Variants in CBL observed in about 807,000 individuals in gnomAD.
CBL encodes E3 ubiquitin-protein ligase CBL.
CBL carries 45 observed loss-of-function variants against 96.9 expected under a neutral mutation model. That is an observed-to-expected ratio of 0.46 (90% CI 0.37 to 0.60). CBL has a LOEUF of 0.60. CBL is among the 20% of genes least tolerant of loss of function. The pLI is 0.00. For synonymous variants in CBL, 420 were observed against 426.8 expected (o/e 0.98, Z 0.20); for missense variants, 1,024 against 1,143.5 (o/e 0.90, Z 1.51).
At chr11:119,221,864 T>C (rs1266847142) in intron 1 of CBL, among the ~76,000 whole-genome samples, 1 of 152,112 alleles carries the variant, frequency 6.6e-6, no homozygotes, top group Non-Finnish European at 1.5e-5. Context: ...TAAGAGACTT[T>C]AGAAATAAAT....
At chr11:119,216,387 T>TA (rs59998588) in intron 1 of CBL, among the ~76,000 whole-genome samples, 5 of 149,876 alleles carry the variant, frequency 3.3e-5, no homozygotes, top group East Asian at 1.9e-4. Context: ...TTTATTTATT[T>TA]TTTGAGATGG....
At chr11:119,265,079 C>T (rs1273519539) in intron 2 of CBL, among the ~76,000 whole-genome samples, 1 of 151,956 alleles carries the variant, frequency 6.6e-6, no homozygotes, top group African/African-American at 2.4e-5. Context: ...GGGGGTCTCA[C>T]TATATTGCCC....
rs1368692235 is a variant in CBL at position 119,300,399 on chromosome 11, A to G, written c.*618A>G. ...AACACCTTCTGTCTGTTCTTTCCCC[A>G]TCAACTCCTTCCTCATCCTTCTTGG... On this transcript the variant is annotated 3_prime_UTR_variant, in exon 16 of 16. Transcript: ENST00000264033. The G allele has an allele frequency of 7.4e-5, 30 of 405,318 alleles. No homozygotes were observed. The highest frequency in any genetic ancestry group is 1.3e-5 in the Non-Finnish European group (3 of 229,598). The allele number at this position is 405,318 out of a possible 1,614,324, so 25.1% of individuals were successfully genotyped here. A position where few individuals can be genotyped will look rare whatever the true frequency, so the allele number is the denominator to read the frequency against.
rs138644156 is a variant in CBL at position 119,251,667 on chromosome 11, A to G, written c.443+18972A>G. On this transcript the variant is annotated intron_variant, in intron 2 of 15. Coordinates refer to ENST00000264033, the MANE Select transcript of CBL (RefSeq NM_005188.4). ...GAGAGTTTCACTCCTGAAATTTCTAATGGAACATAGGCTAGATGATGCAGA... is the reference window on the plus strand; with the variant it reads ...GAGAGTTTCACTCCTGAAATTTCTAGTGGAACATAGGCTAGATGATGCAGA... Among the ~76,000 whole-genome samples, 872 of 152,318 alleles carry G rather than the reference A, an allele frequency of 5.7e-3. 9 individuals carry two copies. The highest frequency in any genetic ancestry group is 0.016 in the African/African-American group (668 of 41,566).
intron 4 of CBL, 94 bp from the exon 5 acceptor site, chr11:119,274,733 ATGAAC>A: frequency 8.8e-7 from 1 of 1,140,280 alleles, no homozygotes; most frequent in Non-Finnish European, 1.3e-6. Flanking sequence ...ATTTCTGACA[ATGAAC>A]TGAGAGTTGG....
rs182201917 is a variant in CBL at position 119,281,424 on chromosome 11, G to C, written c.1431+2711G>C. Among the ~76,000 whole-genome samples the C allele has an allele frequency of 7.2e-5, 11 of 151,860 alleles. No homozygotes were observed. The East Asian group carries it at 1.7e-3, about 24-fold the overall frequency. Reference sequence around the variant, plus strand: ...AAATATTCTGCTCTAAATTGTTAAGGCTTCACTGACTTCTAGCTTCTAATG... The same window carrying C: ...AAATATTCTGCTCTAAATTGTTAAGCCTTCACTGACTTCTAGCTTCTAATG... On this transcript the variant is annotated intron_variant, in intron 9 of 15. Transcript: ENST00000264033.
At chr11:119,230,755 G>A (rs190048282) in intron 1 of CBL, among the ~76,000 whole-genome samples, 9 of 152,286 alleles carry the variant, frequency 5.9e-5, no homozygotes, top group Admixed American at 5.2e-4. Context: ...TTCCTTGTGT[G>A]CATGTGTGAG....
rs191803937 is a variant in CBL, at chr11:119,243,560, T to C, written c.443+10865T>C. Among the ~76,000 whole-genome samples the C allele has an allele frequency of 1.5e-3, 215 of 144,778 alleles. 2 individuals are homozygous for C. The highest frequency in any genetic ancestry group is 5.3e-3 in the African/African-American group (206 of 38,900). 95.0% of individuals were successfully genotyped at this position (144,778 alleles called of 152,430 possible). On this transcript the variant is annotated intron_variant, in intron 2 of 15. Coordinates refer to ENST00000264033, the MANE Select transcript of CBL (RefSeq NM_005188.4). Reference sequence around the variant, plus strand: ...CTGATGAAGAGTAACGATATGACAATATGTTAAATAGGCTATAGAATTGTA... The same window carrying C: ...CTGATGAAGAGTAACGATATGACAACATGTTAAATAGGCTATAGAATTGTA...
intron 1 of CBL, among the ~76,000 whole-genome samples, chr11:119,215,847 T>C (rs1949355876): frequency 6.6e-6 from 1 of 152,066 alleles, no homozygotes; most frequent in Admixed American, 6.6e-5. Flanking sequence ...AAAAAAAGAT[T>C]TGTTAGAAGA....
Position 119,299,589 on chromosome 11 carries a change from T to C in CBL, c.2529T>C (p.Gly843=). 1 of 1,614,124 alleles carries C rather than the reference T, an allele frequency of 6.2e-7. No individual in the cohort carries two copies. The highest frequency in any genetic ancestry group is 1.1e-5 in the South Asian group (1 of 91,082). Residue 843 remains glycine, a synonymous_variant, in exon 16 of 16, where the codon GGT becomes GGC. Transcript: ENST00000264033. The part of the protein sequence containing the change: ...SERKAGSCQQ[G]SGPAASAATA... ...GGAAAGCTGGCAGCTGTCAGCAAGGTAGTGGTCCTGCCGCCTCTGCTGCCA... is the reference window on the plus strand; with the variant it reads ...GGAAAGCTGGCAGCTGTCAGCAAGGCAGTGGTCCTGCCGCCTCTGCTGCCA...
chr11:119,303,106 C>T lies in CBL; in HGVS notation c.*3325C>T, dbSNP rs1448172809. ...TGTTTATGGTCCCAAACAGTCAACTCACAAATTTTTATAACAAAATTTCCT... is the reference window on the plus strand; with the variant it reads ...TGTTTATGGTCCCAAACAGTCAACTTACAAATTTTTATAACAAAATTTCCT... On this transcript the variant is annotated 3_prime_UTR_variant, in exon 16 of 16. Transcript: ENST00000264033. 4.3e-6 allele frequency: 1 copy of T among 231,940 alleles called. No homozygotes were observed. The highest frequency in any genetic ancestry group is 8.5e-6 in the Non-Finnish European group (1 of 116,960). The allele number at this position is 231,940 out of a possible 1,614,324, so 14.4% of individuals were successfully genotyped here. A position where few individuals can be genotyped will look rare whatever the true frequency, so the allele number is the denominator to read the frequency against.
At chr11:119,264,792 A>C (rs960738258) in intron 2 of CBL, among the ~76,000 whole-genome samples, 4 of 151,872 alleles carry the variant, frequency 2.6e-5, no homozygotes, top group African/African-American at 9.7e-5. Flanking sequence ...CTATAAGGAA[A>C]TTTTTCGGTC....
intron 1 of CBL, among the ~76,000 whole-genome samples, chr11:119,220,505 A>AGG (rs1179414296): frequency 6.6e-6 from 1 of 152,152 alleles, no homozygotes; most frequent in Admixed American, 6.5e-5. Flanking sequence ...AGGCTGAGGG[A>AGG]GGAGCATCAC....
intron 2 of CBL, among the ~76,000 whole-genome samples, chr11:119,250,914 G>A (rs1033128356): frequency 2.0e-5 from 3 of 152,132 alleles, no homozygotes; most frequent in Non-Finnish European, 4.4e-5. Context: ...TCACACCACT[G>A]CACTACAGCC....
intron 12 of CBL, among the ~76,000 whole-genome samples, chr11:119,291,234 CA>C (rs1299162410): frequency 2.0e-5 from 3 of 151,996 alleles, no homozygotes; most frequent in Admixed American, 6.6e-5. Flanking sequence ...CCCATCTTTA[CA>C]AAAAATATCA....
chr11:119,280,974 A>G (rs1199992768), intron 9 of CBL, among the ~76,000 whole-genome samples: 1 of 152,108 alleles, frequency 6.6e-6, no homozygotes, highest in East Asian at 1.9e-4. Context: ...TGGTATAATT[A>G]TTTTTATTTT....
chr11:119,236,885 A>G (rs555960811), intron 2 of CBL, among the ~76,000 whole-genome samples: 3 of 151,992 alleles, frequency 2.0e-5, no homozygotes, highest in African/African-American at 7.2e-5. Flanking sequence ...GTCCCCCTTT[A>G]TCCTCAGTTT....
chr11:119,301,510 AC>A lies in CBL; in HGVS notation c.*1732del, dbSNP rs549459958. 51 of 233,228 alleles carry A rather than the reference AC, an allele frequency of 2.2e-4. No individual in the cohort carries two copies. The highest frequency in any genetic ancestry group is 3.2e-4 in the Non-Finnish European group (38 of 118,018). The allele number at this position is 233,228 out of a possible 1,614,324, so 14.4% of individuals were successfully genotyped here. A position where few individuals can be genotyped will look rare whatever the true frequency, so the allele number is the denominator to read the frequency against. The stretch of plus-strand genomic sequence containing the variant: ...TTGTCTTTAGATCTACACAGAAATG[AC>A]CCTCCTTGGATCAGTTTTCTTTCCA... On this transcript the variant is annotated 3_prime_UTR_variant, in exon 16 of 16. Transcript: ENST00000264033.
chr11:119,285,459 A>G lies in CBL; in HGVS notation c.1834A>G (p.Arg612Gly), dbSNP rs764845853. The change falls in exon 11 of 16, where the codon AGA becomes GGA. Residue 612 changes from arginine to glycine, a missense_variant. Physicochemically the swap from Arg to Gly is moderately radical, Grantham distance 125. Around this residue, in one of 4 missense-constraint regions of CBL, gnomAD observed 695 missense variants for 661.6 expected, o/e 1.05. Transcript: ENST00000264033. ...AAGTTCCAGTGATCCCTGGACAGGA[A>G]GAGAATTAACCAACCGGCACTCACT... The part of the protein sequence containing the change: ...APSSSDPWTG[R>G]ELTNRHSLPF... 3.7e-6 allele frequency: 6 copies of G among 1,614,004 alleles called. No homozygotes were observed. In the African/African-American group the frequency reaches 8.0e-5, roughly 22 times the overall value.
Sources: gnomAD v4.1 joint callset for allele counts (sites outside exome capture counted in the v4.1 genomes callset) on GRCh38, gnomAD v4.1.1 for gene constraint, gnomAD v4.1.1 regional missense constraint, MANE v1.5 for transcripts, NCBI Gene and HGNC (gene_info 2026-07-23, HGNC 2026-07-21) for gene names.